The following AFF2 variants were observed in gnomAD, a reference collection of about 807,000 sequenced individuals.
AFF2 encodes AF4/FMR2 family member 2.
Under a neutral mutation model 76.9 loss-of-function variants are expected in AFF2, and 14 were observed. The observed-to-expected ratio is 0.18, with a 90% CI of 0.12 to 0.28. AFF2 has a LOEUF of 0.28. Among genes scored for constraint, AFF2 ranks in the 10% least tolerant of loss-of-function variants. The pLI, the probability that AFF2 is intolerant of heterozygous loss-of-function variation, is 1.00. For synonymous variants in AFF2, 398 were observed against 366.7 expected (o/e 1.09, Z -0.98); for missense variants, 868 against 1,001.1 (o/e 0.87, Z 1.79).
intron 3 of AFF2, among the ~76,000 whole-genome samples, chrX:148,689,078 G>C (rs993132984): frequency 3.6e-5 from 4 of 111,720 alleles, no homozygotes; most frequent in Non-Finnish European, 7.5e-5. Flanking sequence ...CTGGAAGCTA[G>C]AACACTGAGA....
At chrX:148,605,539 T>C (rs1451993850) in intron 1 of AFF2, among the ~76,000 whole-genome samples, 1 of 111,885 alleles carries the variant, frequency 8.9e-6, no homozygotes, top group Admixed American at 9.5e-5. Flanking sequence ...AATACCATAC[T>C]CTGATAAGTG....
intron 3 of AFF2, among the ~76,000 whole-genome samples, chrX:148,779,161 GTTTC>G (rs2069707863): frequency 1.8e-5 from 2 of 112,049 alleles, no homozygotes; most frequent in African/African-American, 6.5e-5. Flanking sequence ...TTTTCAGTGA[GTTTC>G]TTAATCCTGA....
chrX:148,971,773 GTT>G (rs1198615424), intron 15 of AFF2, among the ~76,000 whole-genome samples: 6 of 25,798 alleles, frequency 2.3e-4, no homozygotes, highest in African/African-American at 7.9e-4. Flanking sequence ...TTTTTTTAAT[GTT>G]TTTTTTTTTT....
At chrX:148,530,437 G>A (rs1181262230) in intron 1 of AFF2, among the ~76,000 whole-genome samples, 4 of 112,000 alleles carry the variant, frequency 3.6e-5, no homozygotes, top group African/African-American at 1.3e-4. Context: ...CATTTTCCAA[G>A]TTAGGTGACT....
At chrX:148,680,110 C>T (rs187588508) in intron 3 of AFF2, among the ~76,000 whole-genome samples, 10 of 112,025 alleles carry the variant, frequency 8.9e-5, no homozygotes, top group African/African-American at 3.2e-4. Context: ...AGTATTCATT[C>T]ATTTATTATG....
chrX:148,919,822 G>A (rs2124259665), intron 9 of AFF2, among the ~76,000 whole-genome samples: 1 of 111,917 alleles, frequency 8.9e-6, no homozygotes, highest in East Asian at 2.8e-4. Context: ...AATTCAGAAA[G>A]ACCATATAAG....
chrX:148,795,832 AATATATATATATATATATATATATATAT>A lies in AFF2; in HGVS notation c.1042-14030_1042-14003del, dbSNP rs1169188980. Among the ~76,000 whole-genome samples the A allele has an allele frequency of 3.8e-3, 59 of 15,531 alleles. 1 individual carries two copies. Among genetic ancestry groups the A allele is most frequent in the Middle Eastern group, 0.067 (1 of 15 alleles). The allele number at this position is 15,531 out of a possible 115,157, so 13.5% of individuals were successfully genotyped here. On this transcript the variant is annotated intron_variant, in intron 3 of 20. Coordinates refer to ENST00000370460, the MANE Select transcript of AFF2 (RefSeq NM_002025.4). Reference sequence around the variant, plus strand: ...AAAAAAAAAAAAAAAAAAAAAAAAAAATATATATATATATATATATATATATATATATATATATATACACACCTAAGTG... The same window carrying A: ...AAAAAAAAAAAAAAAAAAAAAAAAAAATATATATATATACACACCTAAGTG...
intron 1 of AFF2, among the ~76,000 whole-genome samples, chrX:148,589,193 G>A (rs1461275481): frequency 3.6e-5 from 4 of 111,012 alleles, no homozygotes; most frequent in African/African-American, 6.6e-5. Flanking sequence ...CTGATGCCAC[G>A]GACGTTAATT....
intron 1 of AFF2, among the ~76,000 whole-genome samples, chrX:148,565,572 AT>A (rs2053160355): frequency 9.0e-6 from 1 of 111,265 alleles, no homozygotes; most frequent in Non-Finnish European, 1.9e-5. Context: ...TTTCATACTT[AT>A]TAGCTTTTTT....
At chrX:148,625,440 C>A (rs1310684932) in intron 1 of AFF2, among the ~76,000 whole-genome samples, 1 of 110,776 alleles carries the variant, frequency 9.0e-6, no homozygotes, top group African/African-American at 3.3e-5. Flanking sequence ...AAGACATCTT[C>A]AAAGGACAGG....
chrX:148,918,863 A>G (rs2071560987), intron 9 of AFF2, among the ~76,000 whole-genome samples: 1 of 111,572 alleles, frequency 9.0e-6, no homozygotes, highest in Admixed American at 9.5e-5. Flanking sequence ...CATATATCTC[A>G]TCAAAGTACA....
At chrX:148,599,349 T>C (rs781787912) in intron 1 of AFF2, among the ~76,000 whole-genome samples, 29 of 112,221 alleles carry the variant, frequency 2.6e-4, no homozygotes, top group Middle Eastern at 4.2e-3. Flanking sequence ...CCTTAACATG[T>C]TGGTAAGTGA....
intron 1 of AFF2, among the ~76,000 whole-genome samples, chrX:148,529,102 T>G (rs2052698506): frequency 1.8e-5 from 2 of 112,241 alleles, no homozygotes; most frequent in Non-Finnish European, 3.8e-5. Flanking sequence ...TCATAAAGAT[T>G]TATAAACAAG....
chrX:148,632,004 C>A (rs1442465490), intron 1 of AFF2, among the ~76,000 whole-genome samples: 1 of 111,680 alleles, frequency 9.0e-6, no homozygotes, highest in African/African-American at 3.3e-5. Context: ...TAAAAGCCTA[C>A]CTTTGTGAGA....
At chrX:148,675,420 C>G (rs1200466077) in intron 3 of AFF2, among the ~76,000 whole-genome samples, 2 of 111,425 alleles carry the variant, frequency 1.8e-5, no homozygotes, top group Non-Finnish European at 3.8e-5. Context: ...TAGAAGAATG[C>G]TCCAATGATG....
At chrX:148,830,629 T>C (rs2070442545) in intron 4 of AFF2, among the ~76,000 whole-genome samples, 1 of 111,448 alleles carries the variant, frequency 9.0e-6, no homozygotes. Flanking sequence ...AAGTTTTTAT[T>C]AGTTATTTTC....
intron 3 of AFF2, among the ~76,000 whole-genome samples, chrX:148,786,882 G>A (rs2069828117): frequency 8.9e-6 from 1 of 111,755 alleles, no homozygotes. Context: ...GAAGTTGACA[G>A]GCCTGGGTTC....
chrX:148,739,972 G>A (rs560959954), intron 3 of AFF2, among the ~76,000 whole-genome samples: 2 of 111,893 alleles, frequency 1.8e-5, no homozygotes, highest in African/African-American at 6.5e-5. Flanking sequence ...GCTGAAGATA[G>A]CGCCCCAATC....
chrX:148,792,393 C>T (rs2069908399), intron 3 of AFF2, among the ~76,000 whole-genome samples: 1 of 112,631 alleles, frequency 8.9e-6, no homozygotes, highest in Non-Finnish European at 1.9e-5. Flanking sequence ...GCGGAGATTG[C>T]AGTGAGCCGA....
Sources: gnomAD v4.1 joint callset for allele counts (sites outside exome capture counted in the v4.1 genomes callset) on GRCh38, gnomAD v4.1.1 for gene constraint, MANE v1.5 for transcripts, NCBI Gene and HGNC (gene_info 2026-07-23, HGNC 2026-07-21) for gene names.